The following NFATC2 variants were observed in gnomAD, a reference collection of about 807,000 sequenced individuals.
NFATC2 encodes the protein nuclear factor of activated T-cells, cytoplasmic 2.
A neutral mutation model predicts 87.3 loss-of-function variants in NFATC2; 22 were observed. That is an observed-to-expected ratio of 0.25 (90% CI 0.18 to 0.36). NFATC2 has a LOEUF of 0.36. NFATC2 is among the 10% of genes least tolerant of loss of function. The pLI, the probability that NFATC2 is intolerant of heterozygous loss-of-function variation, is 1.00. For synonymous variants in NFATC2, 565 were observed against 542.2 expected, an observed-to-expected ratio of 1.04 and a Z score of -0.58; for missense variants, 1,149 against 1,259.1, an observed-to-expected ratio of 0.91 and a Z score of 1.32.
intron 9 of NFATC2, among the ~76,000 whole-genome samples, chr20:51,399,626 A>C (rs1241779735): frequency 1.3e-5 from 2 of 152,236 alleles, no homozygotes; most frequent in South Asian, 2.1e-4. Flanking sequence ...GGGCTCCAAC[A>C]GGAATTGGCT....
chr20:51,398,570 TAAAAAAAAA>T (rs11086333), intron 10 of NFATC2, 64 bp downstream of exon 10: 2 of 854,930 alleles, frequency 2.3e-6, no homozygotes, highest in South Asian at 4.1e-5. Context: ...ATACTTTACT[TAAAAAAAAA>T]AAAATTCAAG....
rs995919412 is a variant in NFATC2, at chr20:51,516,643, A to G, written c.1332+141T>C. The G allele has an allele frequency of 7.6e-6, 6 of 791,594 alleles. No homozygotes were observed. In the South Asian group the frequency reaches 1.2e-4, roughly 16 times the overall value. 49.0% of individuals were successfully genotyped at this position (791,594 alleles called of 1,614,324 possible). On this transcript the variant is annotated intron_variant, in intron 3 of 10. Transcript: ENST00000371564. ...TGGATTAGCTTCTAATGCTAATTTA[A>G]TCTCATATTTCTCATTCCTCAAAGG...
Position 51,454,639 on chromosome 20 carries a change from G to T in NFATC2, c.1758C>A (p.Asp586Glu). Reference protein sequence around the residue: ...ELPMVERQDTDSCLVYGGQQM... With the variant: ...ELPMVERQDTESCLVYGGQQM... The stretch of plus-strand genomic sequence containing the variant: ...GCTGGCCGCCATAGACCAGGCAGCT[G>T]TCTGTGTCTTGTCTTTCAACCATGG... The change falls in exon 6 of 11, where the codon GAC (aspartate) becomes GAA (glutamate). Residue 586 changes from aspartate (D) to glutamate (E), a missense_variant. Around this residue, in one of 3 missense-constraint regions of NFATC2, gnomAD observed 581 missense variants for 649.7 expected, o/e 0.89. Coordinates refer to ENST00000371564, the MANE Select transcript of NFATC2 (RefSeq NM_012340.5). The T allele has an allele frequency of 6.2e-7, 1 of 1,614,128 alleles. No individual in the cohort carries two copies. The highest frequency in any genetic ancestry group is 8.5e-7 in the Non-Finnish European group (1 of 1,180,038).
chr20:51,391,102 T>C lies in NFATC2; in HGVS notation c.*394A>G. On this transcript the variant is annotated 3_prime_UTR_variant, in exon 11 of 11. Transcript: ENST00000371564. ...TGTTCTCAGGAGAGTTCCAGTGTCC[T>C]GTCTCATGTAGAATGTGCTTTTGGT... 1.8e-6 allele frequency: 1 copy of C among 541,052 alleles called. No homozygotes were observed. Among genetic ancestry groups the C allele is most frequent in the South Asian group, 1.8e-5 (1 of 55,822 alleles). The allele number at this position is 541,052 out of a possible 1,614,324, so 33.5% of individuals were successfully genotyped here. A position where few individuals can be genotyped will look rare whatever the true frequency, so the allele number is the denominator to read the frequency against.
chr20:51,475,326 G>A (rs1988617192), intron 4 of NFATC2, 132 bp downstream of exon 4: 1 of 851,362 alleles, frequency 1.2e-6, no homozygotes, highest in Non-Finnish European at 1.9e-6. Context: ...CGGGTCGATG[G>A]ATCACAGACT....
rs1983392519 is a variant in NFATC2, at chr20:51,435,260, C to T, written c.1960G>A (p.Val654Ile). ...TTGATGACGTAGAAGTTCACTTTTA[C>T]AGGTGTGCGGATATGCTTGTTCCGA... is the stretch of plus-strand genomic sequence containing the variant. ...EYRNKHIRTP[V>I]KVNFYVINGK... The change falls in exon 8 of 11, where the codon GTA (valine) becomes ATA (isoleucine). Residue 654 changes from valine to isoleucine, a missense_variant. Physicochemically the swap from Val to Ile is conservative, Grantham distance 29 (BLOSUM62 3). Transcript: ENST00000371564. 2 of 1,614,086 alleles carry T rather than the reference C, an allele frequency of 1.2e-6. No individual in the cohort carries two copies. The highest frequency in any genetic ancestry group is 1.7e-5 in the Admixed American group (1 of 60,008).
intron 3 of NFATC2, among the ~76,000 whole-genome samples, chr20:51,488,566 T>G (rs1175791495): frequency 6.6e-6 from 1 of 152,184 alleles, no homozygotes; most frequent in Non-Finnish European, 1.5e-5. Flanking sequence ...TGAGAAACAT[T>G]CTTAAATTAA....
intron 6 of NFATC2, among the ~76,000 whole-genome samples, chr20:51,440,236 C>CAAAAAAAAAAAAAAAAAAAAAAA (rs34071345): frequency 2.1e-5 from 2 of 97,208 alleles, no homozygotes; most frequent in African/African-American, 5.0e-5. Context: ...AACTCCATCT[C>CAAAAAAAAAAAAAAAAAAAAAAA]AAAAAAAAAA....
At chr20:51,482,033 TCAGGTGGCAA>T (rs979858376) in intron 3 of NFATC2, among the ~76,000 whole-genome samples, 4 of 152,164 alleles carry the variant, frequency 2.6e-5, no homozygotes, top group Middle Eastern at 3.2e-3. Flanking sequence ...TCATAAGTGA[TCAGGTGGCAA>T]CAGCCTCCAC....
At chr20:51,404,211 G>A (rs1030456470) in intron 9 of NFATC2, among the ~76,000 whole-genome samples, 1 of 152,202 alleles carries the variant, frequency 6.6e-6, no homozygotes, top group Non-Finnish European at 1.5e-5. Flanking sequence ...GTCCTGGCGA[G>A]GGGCTCACAC....
At chr20:51,391,754 G>A (rs726347) in intron 10 of NFATC2, among the ~76,000 whole-genome samples, 68,232 of 151,892 alleles carry the variant, frequency 0.45, 15,582 homozygotes, top group African/African-American at 0.56. Flanking sequence ...GAGCTCAGGC[G>A]ATCCTCCCAC....
At chr20:51,409,432 T>C (rs1480526183) in intron 9 of NFATC2, among the ~76,000 whole-genome samples, 1 of 152,092 alleles carries the variant, frequency 6.6e-6, no homozygotes, top group Non-Finnish European at 1.5e-5. Context: ...GCAAAGACAA[T>C]GAGTGAAATC....
intron 3 of NFATC2, among the ~76,000 whole-genome samples, chr20:51,489,307 T>C (rs1369391229): frequency 6.6e-6 from 1 of 152,042 alleles, no homozygotes; most frequent in African/African-American, 2.4e-5. Flanking sequence ...GTGCTTGGAG[T>C]ATAGAGGTGG....
chr20:51,554,672 C>T (rs1420554467), intron 1 of NFATC2, among the ~76,000 whole-genome samples: 1 of 152,232 alleles, frequency 6.6e-6, no homozygotes, highest in African/African-American at 2.4e-5. Context: ...GAAATGAGGG[C>T]GTGCAGCAGG....
intron 1 of NFATC2, among the ~76,000 whole-genome samples, chr20:51,561,649 G>A (rs1330489497): frequency 2.8e-5 from 4 of 140,822 alleles, no homozygotes; most frequent in African/African-American, 1.1e-4. Context: ...TTTATGACAG[G>A]AGGCTAACTC....
At chr20:51,495,955 T>C (rs1048135933) in intron 3 of NFATC2, among the ~76,000 whole-genome samples, 6 of 152,184 alleles carry the variant, frequency 3.9e-5, no homozygotes, top group African/African-American at 1.4e-4. Flanking sequence ...GCATCTTTTT[T>C]ATATTAAAAA....
intron 3 of NFATC2, among the ~76,000 whole-genome samples, chr20:51,502,829 A>G (rs1466838021): frequency 6.6e-6 from 1 of 152,238 alleles, no homozygotes; most frequent in African/African-American, 2.4e-5. Flanking sequence ...ATAAATGTCA[A>G]ATAGGAACAT....
intron 5 of NFATC2, among the ~76,000 whole-genome samples, chr20:51,458,258 C>A (rs1437350756): frequency 6.6e-6 from 1 of 152,130 alleles, no homozygotes; most frequent in African/African-American, 2.4e-5. Flanking sequence ...TGTCAGCAGG[C>A]AGGGGGTGTC....
intron 1 of NFATC2, among the ~76,000 whole-genome samples, chr20:51,561,489 AAGCAAGCAAGCAAGCAAGCAAGCAAGC>A (rs2077031025): frequency 1.1e-4 from 10 of 87,558 alleles, no homozygotes; most frequent in Middle Eastern, 5.3e-3. Flanking sequence ...GAAAGAAAGC[AAGCAAGCAAGCAAGCAAGCAAGCAAGC>A]AAGCAAGCAA....
Sources: gnomAD v4.1 joint callset for allele counts (sites outside exome capture counted in the v4.1 genomes callset) on GRCh38, gnomAD v4.1.1 for gene constraint, gnomAD v4.1.1 regional missense constraint, MANE v1.5 for transcripts, NCBI Gene and HGNC (gene_info 2026-07-23, HGNC 2026-07-21) for gene names.